ROBO1: variants seen among roughly 807,000 people sequenced by gnomAD.
ROBO1 encodes roundabout guidance receptor 1.
Under a neutral mutation model 195.9 loss-of-function variants are expected in ROBO1, and 149 were observed. The observed-to-expected ratio is 0.76, with a 90% CI of 0.67 to 0.87. The LOEUF (loss-of-function observed/expected upper bound fraction) is 0.87, where lower values mean the gene tolerates loss of function less well. ROBO1 is among the 40% of genes least tolerant of loss of function. ROBO1 has a pLI of 0.00. For synonymous variants in ROBO1, 816 were observed against 733.2 expected (o/e 1.11, Z -1.82); for missense variants, 1,933 against 2,068.3 (o/e 0.93, Z 1.27).
At chr3:79,697,818 A>G (rs1947491945) in intron 1 of ROBO1, among the ~76,000 whole-genome samples, 1 of 151,434 alleles carries the variant, frequency 6.6e-6, no homozygotes, top group Non-Finnish European at 1.5e-5. Flanking sequence ...AAACCTGGGA[A>G]ATAATTCTGC....
intron 1 of ROBO1, among the ~76,000 whole-genome samples, chr3:79,633,744 A>T (rs1945415701): frequency 6.6e-6 from 1 of 152,186 alleles, no homozygotes; most frequent in African/African-American, 2.4e-5. Flanking sequence ...AAACACAAGA[A>T]AAAATAACCT....
intron 1 of ROBO1, among the ~76,000 whole-genome samples, chr3:79,619,078 A>T (rs1277160957): frequency 1.3e-5 from 2 of 152,068 alleles, no homozygotes; most frequent in African/African-American, 4.8e-5. Flanking sequence ...TCATTCACCC[A>T]CATTCCACTG....
intron 3 of ROBO1, 53 bp from the exon 4 acceptor site, chr3:78,938,980 G>C: frequency 2.1e-6 from 3 of 1,454,912 alleles, no homozygotes; most frequent in South Asian, 1.3e-5. Context: ...ACAGTTAATC[G>C]CTTATTTTTA....
At chr3:79,399,386 C>A (rs913492755) in intron 2 of ROBO1, among the ~76,000 whole-genome samples, 1 of 152,164 alleles carries the variant, frequency 6.6e-6, no homozygotes, top group Admixed American at 6.5e-5. Flanking sequence ...AAGCTGACTT[C>A]TGGACACCCT....
intron 3 of ROBO1, among the ~76,000 whole-genome samples, chr3:79,085,590 A>G (rs2079352816): frequency 6.6e-6 from 1 of 152,150 alleles, no homozygotes; most frequent in Non-Finnish European, 1.5e-5. Context: ...TGCTGTACAT[A>G]AGAGAGTGAT....
chr3:79,540,398 A>G (rs1378674790), intron 2 of ROBO1, among the ~76,000 whole-genome samples: 3 of 152,086 alleles, frequency 2.0e-5, no homozygotes, highest in Non-Finnish European at 2.9e-5. Flanking sequence ...GTTACATTCA[A>G]TCCAAACTAA....
chr3:79,496,540 C>T (rs1011337264), intron 2 of ROBO1, among the ~76,000 whole-genome samples: 2 of 147,874 alleles, frequency 1.4e-5, no homozygotes, highest in Non-Finnish European at 1.5e-5. Flanking sequence ...CCCGCCACCG[C>T]GCCCGGCTAA....
chr3:79,714,356 C>T (rs953296629), intron 1 of ROBO1, among the ~76,000 whole-genome samples: 1 of 152,088 alleles, frequency 6.6e-6, no homozygotes, highest in African/African-American at 2.4e-5. Flanking sequence ...ACAACAGATG[C>T]TGGAGAGGAT....
chr3:79,463,721 G>A (rs533838569), intron 2 of ROBO1, among the ~76,000 whole-genome samples: 2 of 152,286 alleles, frequency 1.3e-5, no homozygotes, highest in South Asian at 4.1e-4. Flanking sequence ...TGAAATAGTT[G>A]AACTGATGGT....
chr3:78,762,511 G>A (rs992371529), intron 4 of ROBO1, among the ~76,000 whole-genome samples: 7 of 151,782 alleles, frequency 4.6e-5, no homozygotes, highest in African/African-American at 1.7e-4. Context: ...TATAATAACC[G>A]AGGATACATA....
At chr3:79,601,082 T>C (rs781295696) in intron 1 of ROBO1, among the ~76,000 whole-genome samples, 9 of 151,888 alleles carry the variant, frequency 5.9e-5, no homozygotes, top group Admixed American at 2.6e-4. Flanking sequence ...AACGAAGTAA[T>C]CAGGCTTCTG....
intron 2 of ROBO1, among the ~76,000 whole-genome samples, chr3:79,185,711 T>C (rs1002972555): frequency 6.6e-6 from 1 of 152,148 alleles, no homozygotes; most frequent in African/African-American, 2.4e-5. Context: ...TGTCGTTCAG[T>C]ATCTAGTTCC....
chr3:79,552,877 ATACT>A (rs767709520), intron 2 of ROBO1, among the ~76,000 whole-genome samples: 1 of 152,122 alleles, frequency 6.6e-6, no homozygotes, highest in Non-Finnish European at 1.5e-5. Flanking sequence ...GCAACAATCC[ATACT>A]TAGTTACTAT....
At chr3:79,243,330 A>C (rs986190853) in intron 2 of ROBO1, among the ~76,000 whole-genome samples, 1 of 152,036 alleles carries the variant, frequency 6.6e-6, no homozygotes, top group Non-Finnish European at 1.5e-5. Context: ...ATGATTTATA[A>C]TCCTTTGGGT....
intron 3 of ROBO1, among the ~76,000 whole-genome samples, chr3:79,043,639 C>T (rs2078530700): frequency 6.6e-6 from 1 of 151,828 alleles, no homozygotes; most frequent in Non-Finnish European, 1.5e-5. Flanking sequence ...TATTGGAATG[C>T]AAAAGTGCAT....
intron 4 of ROBO1, among the ~76,000 whole-genome samples, chr3:78,932,558 G>C (rs1157735366): frequency 1.3e-5 from 2 of 152,100 alleles, no homozygotes; most frequent in East Asian, 3.9e-4. Context: ...CCAATCTAGA[G>C]AGTCAAACTT....
chr3:78,969,818 A>C (rs1333314872), intron 3 of ROBO1, among the ~76,000 whole-genome samples: 1 of 152,228 alleles, frequency 6.6e-6, no homozygotes, highest in Non-Finnish European at 1.5e-5. Flanking sequence ...TTGCACATCA[A>C]ACTAAAAATA....
intron 4 of ROBO1, among the ~76,000 whole-genome samples, chr3:78,773,459 T>C (rs917818658): frequency 2.0e-5 from 3 of 152,182 alleles, no homozygotes; most frequent in Non-Finnish European, 4.4e-5. Context: ...TCTACTCATT[T>C]GTATTTTAAA....
chr3:79,210,943 A>G (rs965332258), intron 2 of ROBO1, among the ~76,000 whole-genome samples: 3 of 152,242 alleles, frequency 2.0e-5, no homozygotes, highest in Admixed American at 2.0e-4. Flanking sequence ...GATTTCAAGC[A>G]TAGTATCTCT....
Sources: allele counts gnomAD v4.1 joint callset (sites outside exome capture counted in the v4.1 genomes callset), GRCh38; gene constraint gnomAD v4.1.1; transcripts MANE v1.5; gene names NCBI Gene and HGNC (gene_info 2026-07-23, HGNC 2026-07-21).